The following IQCM variants were observed in gnomAD, a reference collection of about 807,000 sequenced individuals.
IQCM encodes IQ domain-containing protein M.
IQCM carries 45 observed loss-of-function variants against 57.6 expected under a neutral mutation model. The observed-to-expected ratio is 0.78, with a 90% CI of 0.62 to 1.00. The LOEUF (loss-of-function observed/expected upper bound fraction) is 1.00, where lower values mean the gene tolerates loss of function less well. Ranked by LOEUF, IQCM falls within the 50% of genes least tolerant of loss-of-function variation. IQCM has a pLI of 0.00. For synonymous variants in IQCM, 148 were observed against 158.9 expected (o/e 0.93, Z 0.51); for missense variants, 468 against 511.6 (o/e 0.91, Z 0.82).
At chr4:149,650,080 C>A (rs1273668546) in intron 7 of IQCM, among the ~76,000 whole-genome samples, 2 of 151,956 alleles carry the variant, frequency 1.3e-5, no homozygotes, top group African/African-American at 4.8e-5. Flanking sequence ...TTATGTTGCC[C>A]AAAAAGATAT....
chr4:149,744,541 CA>C (rs2149916087), intron 2 of IQCM, among the ~76,000 whole-genome samples: 1 of 152,136 alleles, frequency 6.6e-6, no homozygotes. Context: ...CCTTTTAATG[CA>C]AAAAACTAGC....
chr4:149,369,147 T>C (rs67730534), intron 13 of IQCM, among the ~76,000 whole-genome samples: 41,274 of 147,560 alleles, frequency 0.28, 6,058 homozygotes, highest in Middle Eastern at 0.33. Context: ...TGAGTTCAAG[T>C]GATTCTCCCG....
chr4:149,597,078 T>G (rs1753843971), intron 8 of IQCM, among the ~76,000 whole-genome samples: 1 of 151,774 alleles, frequency 6.6e-6, no homozygotes, highest in Admixed American at 6.6e-5. Flanking sequence ...GAGAAATATA[T>G]TGAAGAAACA....
intron 7 of IQCM, among the ~76,000 whole-genome samples, chr4:149,624,414 TTC>T (rs1451358300): frequency 1.3e-5 from 2 of 152,210 alleles, no homozygotes; most frequent in Non-Finnish European, 1.5e-5. Context: ...CAATTTTATT[TTC>T]TGTTTTTATT....
In IQCM at chr4:149,654,093, A is replaced by T. The variant is rs188538224; in HGVS notation, c.565+28025T>A. The stretch of plus-strand genomic sequence containing the variant: ...CTGAAAAGCGGATACGAATATCCTC[A>T]TTCCTACAAAGAACACAAGTTAGGG... On this transcript the variant is annotated intron_variant, in intron 7 of 13. Coordinates refer to ENST00000636793, the MANE Select transcript of IQCM (RefSeq NM_001363507.2). Among the ~76,000 whole-genome samples, 21 of 152,344 alleles carry T rather than the reference A, an allele frequency of 1.4e-4. No individual in the cohort carries two copies. In the East Asian group the frequency reaches 3.5e-3, roughly 25 times the overall value.
At chr4:149,771,278 G>A (rs1366343805) in intron 2 of IQCM, among the ~76,000 whole-genome samples, 2 of 151,762 alleles carry the variant, frequency 1.3e-5, no homozygotes, top group East Asian at 1.9e-4. Flanking sequence ...TTTTGTCTTC[G>A]AATTGTCATC....
intron 3 of IQCM, among the ~76,000 whole-genome samples, chr4:149,739,391 G>C (rs1278042148): frequency 6.6e-6 from 1 of 151,618 alleles, no homozygotes; most frequent in Non-Finnish European, 1.5e-5. Flanking sequence ...TTCAATAAAT[G>C]TGAGAAATTG....
intron 8 of IQCM, among the ~76,000 whole-genome samples, chr4:149,593,240 C>T (rs558393938): frequency 3.2e-4 from 49 of 152,002 alleles, no homozygotes; most frequent in Admixed American, 2.0e-3. Context: ...AGTTCACTCA[C>T]GATTTGGCTC....
At chr4:149,440,518 A>G (rs896645209) in intron 12 of IQCM, among the ~76,000 whole-genome samples, 1 of 152,152 alleles carries the variant, frequency 6.6e-6, no homozygotes, top group Non-Finnish European at 1.5e-5. Flanking sequence ...GAAAAACTGC[A>G]GTAATTGGCA....
At chr4:149,401,094 A>C (rs1333738817) in intron 13 of IQCM, among the ~76,000 whole-genome samples, 1 of 151,748 alleles carries the variant, frequency 6.6e-6, no homozygotes, top group Non-Finnish European at 1.5e-5. Context: ...GCTGTGCTAA[A>C]TTTAGATGAA....
chr4:149,355,193 T>C lies in IQCM; in HGVS notation c.1391-3127A>G, dbSNP rs1263184842. 2.0e-5 allele frequency among the ~76,000 whole-genome samples: 3 copies of C among 152,258 alleles called. No individual in the cohort carries two copies. In the East Asian group the frequency reaches 5.8e-4, roughly 29 times the overall value. ...TAATTTCACTTAGGAAGAATACAAA[T>C]ATAAGTACACATAATATATCTTTAA... On this transcript the variant is annotated intron_variant, in intron 13 of 13. Transcript: ENST00000636793.
At chr4:149,766,295 T>G (rs1346477339) in intron 2 of IQCM, among the ~76,000 whole-genome samples, 1 of 152,162 alleles carries the variant, frequency 6.6e-6, no homozygotes, top group Non-Finnish European at 1.5e-5. Flanking sequence ...ATACTCTGTG[T>G]TCTTGGAAAA....
chr4:149,752,242 C>CTTT (rs1768519235), intron 2 of IQCM, among the ~76,000 whole-genome samples: 1 of 152,030 alleles, frequency 6.6e-6, no homozygotes, highest in South Asian at 2.1e-4. Flanking sequence ...AAGCACCTAT[C>CTTT]TTTTTCTCAT....
chr4:149,638,293 G>A (rs1757892762), intron 7 of IQCM, among the ~76,000 whole-genome samples: 1 of 152,150 alleles, frequency 6.6e-6, no homozygotes, highest in African/African-American at 2.4e-5. Context: ...AGGATGTGGA[G>A]CAACTGAAAC....
chr4:149,783,491 T>C (rs1016233565), intron 2 of IQCM, among the ~76,000 whole-genome samples: 3 of 152,208 alleles, frequency 2.0e-5, no homozygotes, highest in Non-Finnish European at 2.9e-5. Context: ...AGGATATTCT[T>C]CATATAGCAA....
chr4:149,754,798 A>T (rs1283493666), intron 2 of IQCM, among the ~76,000 whole-genome samples: 1 of 152,156 alleles, frequency 6.6e-6, no homozygotes, highest in Admixed American at 6.5e-5. Context: ...GTCCTGGCTC[A>T]TGGCTTTCAA....
At chr4:149,534,492 T>G (rs1020223180) in intron 12 of IQCM, among the ~76,000 whole-genome samples, 2 of 152,146 alleles carry the variant, frequency 1.3e-5, no homozygotes, top group Non-Finnish European at 2.9e-5. Context: ...ATGAAAATCA[T>G]GTCCTCTATA....
intron 7 of IQCM, among the ~76,000 whole-genome samples, chr4:149,622,499 C>G (rs751915614): frequency 3.3e-5 from 5 of 152,078 alleles, no homozygotes; most frequent in Non-Finnish European, 7.4e-5. Context: ...CCAGCCTCCA[C>G]GCCCGGCTAA....
At position 149,782,339 on chromosome 4, in the gene IQCM, C is replaced by T. The variant is rs1771680517; in HGVS notation, c.-49+32972G>A. Among the ~76,000 whole-genome samples, 3 of 152,094 alleles carry T rather than the reference C, an allele frequency of 2.0e-5. No individual in the cohort carries two copies. In the South Asian group the frequency reaches 6.2e-4, roughly 32 times the overall value. ...TATAAGGCAAATAAAAAAGATTTTT[C>T]CCAAAATATTTTTCACACTAAATAT... is the stretch of plus-strand genomic sequence containing the variant. On this transcript the variant is annotated intron_variant, in intron 2 of 13. Coordinates refer to ENST00000636793, the MANE Select transcript of IQCM (RefSeq NM_001363507.2).
Sources: gnomAD v4.1 joint callset for allele counts (sites outside exome capture counted in the v4.1 genomes callset) on GRCh38, gnomAD v4.1.1 for gene constraint, MANE v1.5 for transcripts, NCBI Gene and HGNC (gene_info 2026-07-23, HGNC 2026-07-21) for gene names.